The following AMOTL1 variants were observed in gnomAD, a reference collection of about 807,000 sequenced individuals.
The protein encoded by AMOTL1 is angiomotin like 1, also known as angiomotin-like protein 1.
A neutral mutation model predicts 102.9 loss-of-function variants in AMOTL1; 45 were observed. That is an observed-to-expected ratio of 0.44 (90% CI 0.34 to 0.56). The LOEUF (loss-of-function observed/expected upper bound fraction) is 0.56, where lower values mean the gene tolerates loss of function less well. AMOTL1 is among the 20% of genes least tolerant of loss of function. The pLI is 0.01. For missense variants in AMOTL1, 1,114 were observed against 1,225.6 expected, an observed-to-expected ratio of 0.91 and a Z score of 1.36; for synonymous variants, 481 against 484.7, an observed-to-expected ratio of 0.99 and a Z score of 0.10.
chr11:94,850,347 A>C (rs1592033077), intron 7 of AMOTL1, 88 bp downstream of exon 7: 2 of 1,443,950 alleles, frequency 1.4e-6, no homozygotes, highest in East Asian at 5.0e-5. Context: ...CACCTACTTT[A>C]ACCAGAGCCA....
At chr11:94,804,086 A>G (rs1412778178) in intron 3 of AMOTL1, among the ~76,000 whole-genome samples, 2 of 152,214 alleles carry the variant, frequency 1.3e-5, no homozygotes, top group Non-Finnish European at 2.9e-5. Flanking sequence ...GAACATCATC[A>G]TGCATATCAA....
At chr11:94,842,034 T>A (rs1283854191) in intron 6 of AMOTL1, among the ~76,000 whole-genome samples, 1 of 152,226 alleles carries the variant, frequency 6.6e-6, no homozygotes, top group Non-Finnish European at 1.5e-5. Context: ...ATAACTATGT[T>A]AAGACAAAAA....
intron 6 of AMOTL1, among the ~76,000 whole-genome samples, chr11:94,834,741 C>T (rs532311542): frequency 3.3e-5 from 5 of 152,184 alleles, no homozygotes; most frequent in East Asian, 1.9e-4. Flanking sequence ...GGTGTTCGCA[C>T]GGAAACTAGC....
chr11:94,842,225 G>A (rs1011771181), intron 6 of AMOTL1, among the ~76,000 whole-genome samples: 2 of 152,096 alleles, frequency 1.3e-5, no homozygotes, highest in African/African-American at 4.8e-5. Flanking sequence ...AAGACACGTC[G>A]GTTATCTTAG....
chr11:94,724,711 T>C (rs1401982398), intron 1 of AMOTL1, among the ~76,000 whole-genome samples: 2 of 152,184 alleles, frequency 1.3e-5, no homozygotes, highest in Admixed American at 6.5e-5. Context: ...ATGTGTTTAG[T>C]GCAGTGACTA....
chr11:94,822,120 G>A (rs1192721935), intron 4 of AMOTL1, among the ~76,000 whole-genome samples: 1 of 152,152 alleles, frequency 6.6e-6, no homozygotes, highest in African/African-American at 2.4e-5. Context: ...TACCCCACCT[G>A]GACAAATGTA....
At chr11:94,780,460 T>C (rs1951094073) in intron 1 of AMOTL1, among the ~76,000 whole-genome samples, 1 of 152,238 alleles carries the variant, frequency 6.6e-6, no homozygotes, top group Admixed American at 6.5e-5. Context: ...TCTTGGAAAG[T>C]TGAAAATGTA....
chr11:94,756,552 C>T (rs1424817043), intron 3 of AMOTL1, among the ~76,000 whole-genome samples: 1 of 152,094 alleles, frequency 6.6e-6, no homozygotes, highest in Non-Finnish European at 1.5e-5. Context: ...GTCAGGACCC[C>T]GTTAAACTGA....
rs1004294566 is a variant in AMOTL1, at chr11:94,746,070, A to G, written c.136+5082A>G. 2.0e-5 allele frequency among the ~76,000 whole-genome samples: 3 copies of G among 152,146 alleles called. No homozygotes were observed. In the East Asian group the frequency reaches 5.8e-4, roughly 29 times the overall value. ...TATATCAGTCTGCAAATGAATAACT[A>G]TTGGCTCCTTGGGGGATTGATTCTC... On this transcript the variant is annotated intron_variant, in intron 3 of 4. Coordinates refer to the AMOTL1 transcript ENST00000299004.
rs77347785 is a variant in AMOTL1, at chr11:94,708,299, T to A, written c.-51+1702T>A. On this transcript the variant is annotated intron_variant, in intron 1 of 4. Coordinates refer to the AMOTL1 transcript ENST00000299004. ...TTGGAGTTTAGAAGCATTAGCATTT[T>A]TATGACTCTTGTAGGTGCTTTAAGG... Among the ~76,000 whole-genome samples the A allele has an allele frequency of 3.3e-3, 496 of 152,338 alleles. 2 individuals carry two copies. Among genetic ancestry groups the A allele is most frequent in the Non-Finnish European group, 5.6e-3 (380 of 68,026 alleles).
chr11:94,863,941 CCTT>C (rs892772468), intron 9 of AMOTL1, among the ~76,000 whole-genome samples: 1 of 152,196 alleles, frequency 6.6e-6, no homozygotes, highest in African/African-American at 2.4e-5. Context: ...ACAGTGTCTG[CCTT>C]CTTCTTTCTG....
chr11:94,834,798 A>C (rs574785401), intron 6 of AMOTL1, among the ~76,000 whole-genome samples: 1 of 152,152 alleles, frequency 6.6e-6, no homozygotes, highest in South Asian at 2.1e-4. Flanking sequence ...TTCAAGCAGC[A>C]GGTGGGACTT....
chr11:94,781,632 C>T (rs943372618), intron 1 of AMOTL1, among the ~76,000 whole-genome samples: 5 of 151,978 alleles, frequency 3.3e-5, no homozygotes, highest in Non-Finnish European at 7.4e-5. Context: ...GTCAGGAGAT[C>T]GAGACCATCC....
intron 1 of AMOTL1, among the ~76,000 whole-genome samples, chr11:94,722,954 A>G (rs926180473): frequency 6.6e-6 from 1 of 152,118 alleles, no homozygotes; most frequent in African/African-American, 2.4e-5. Context: ...GTTCTTTTGG[A>G]ATATTTGTTT....
At chr11:94,826,920 A>G (rs1951977700) in intron 4 of AMOTL1, among the ~76,000 whole-genome samples, 1 of 152,202 alleles carries the variant, frequency 6.6e-6, no homozygotes, top group Middle Eastern at 3.4e-3. Flanking sequence ...AGATAACCTT[A>G]TGTCAGGTCT....
At chr11:94,841,240 A>C (rs929436295) in intron 6 of AMOTL1, among the ~76,000 whole-genome samples, 4 of 152,170 alleles carry the variant, frequency 2.6e-5, no homozygotes, top group Non-Finnish European at 4.4e-5. Context: ...CAGGAGTTCA[A>C]GACCAGCCTG....
chr11:94,753,002 C>A (rs1243358634), intron 3 of AMOTL1, among the ~76,000 whole-genome samples: 1 of 152,160 alleles, frequency 6.6e-6, no homozygotes, highest in Non-Finnish European at 1.5e-5. Flanking sequence ...AGACTTTAGG[C>A]TCCTTTTATA....
chr11:94,768,346 C>G, upstream of AMOTL1: 1 of 1,364,386 alleles, frequency 7.3e-7, no homozygotes. Context: ...GGAGCGCGGA[C>G]GGCGGCGGGA....
intron 1 of AMOTL1, among the ~76,000 whole-genome samples, chr11:94,776,631 G>A (rs190004983): frequency 1.6e-4 from 25 of 152,314 alleles, no homozygotes; most frequent in Admixed American, 2.0e-4. Flanking sequence ...TGCCAGGGAG[G>A]AAGGAGGCAT....
Sources: allele counts gnomAD v4.1 joint callset (sites outside exome capture counted in the v4.1 genomes callset), GRCh38; gene constraint gnomAD v4.1.1; transcripts MANE v1.5; gene names NCBI Gene and HGNC (gene_info 2026-07-23, HGNC 2026-07-21).